The following CALN1 variants were observed in gnomAD, a reference collection of about 807,000 sequenced individuals.
CALN1 encodes calcium-binding protein 8.
A neutral mutation model predicts 30.6 loss-of-function variants in CALN1; 17 were observed. That is an observed-to-expected ratio of 0.56 (90% confidence interval 0.38 to 0.83). The LOEUF (loss-of-function observed/expected upper bound fraction) is 0.83. CALN1 is among the 40% of genes least tolerant of loss of function. The pLI, the probability that CALN1 is intolerant of heterozygous loss-of-function variation, is 0.00. For missense variants in CALN1, 291 were observed against 354.9 expected (o/e 0.82, Z 1.45); for synonymous variants, 156 against 131.4 (o/e 1.19, Z -1.28).
intron 1 of CALN1, among the ~76,000 whole-genome samples, chr7:72,428,509 A>G (rs1420390769): frequency 6.6e-6 from 1 of 151,684 alleles, no homozygotes; most frequent in Non-Finnish European, 1.5e-5. Flanking sequence ...CTCCTGCCTC[A>G]GCCTCCCAAG....
intron 5 of CALN1, among the ~76,000 whole-genome samples, chr7:71,827,536 C>T (rs1788987119): frequency 6.6e-6 from 1 of 151,918 alleles, no homozygotes; most frequent in African/African-American, 2.4e-5. Context: ...TTGGGGAGGC[C>T]GAGGTGGGCA....
chr7:72,386,798 G>T (rs1253002457), intron 2 of CALN1, among the ~76,000 whole-genome samples: 6 of 152,026 alleles, frequency 3.9e-5, no homozygotes. Flanking sequence ...ACCACACCTA[G>T]CTAATTTAAA....
At chr7:71,810,554 C>A in intron 5 of CALN1, 62 bp from the exon 6 acceptor site, 1 of 1,546,176 alleles carries the variant, frequency 6.5e-7, no homozygotes, top group Non-Finnish European at 8.8e-7. Flanking sequence ...TTGGCTCGGG[C>A]CATGACAGGC....
intron 2 of CALN1, among the ~76,000 whole-genome samples, chr7:72,376,682 C>A (rs1441442312): frequency 6.6e-6 from 1 of 152,058 alleles, no homozygotes; most frequent in African/African-American, 2.4e-5. Context: ...TTGATGGTGT[C>A]ATTTGATTCA....
At chr7:72,482,157 G>A in the CALN1 span, among the ~76,000 whole-genome samples, 1 of 152,040 alleles carries the variant, frequency 6.6e-6, no homozygotes, top group Admixed American at 6.5e-5. Context: ...AAATATTCTT[G>A]ATTCTGAAAT....
intron 2 of CALN1, among the ~76,000 whole-genome samples, chr7:72,367,451 CTG>C (rs985425514): frequency 1.3e-5 from 2 of 152,042 alleles, no homozygotes; most frequent in African/African-American, 4.8e-5. Flanking sequence ...AAGTGAGCTC[CTG>C]TCTCTGCAAA....
chr7:71,923,805 T>C (rs1795109737), intron 5 of CALN1, among the ~76,000 whole-genome samples: 2 of 151,954 alleles, frequency 1.3e-5, no homozygotes, highest in Admixed American at 1.3e-4. Flanking sequence ...AGTGTTCCCC[T>C]CCCTGTGGCC....
chr7:72,004,165 G>A (rs899913941), intron 5 of CALN1, among the ~76,000 whole-genome samples: 9 of 152,170 alleles, frequency 5.9e-5, no homozygotes, highest in African/African-American at 2.2e-4. Flanking sequence ...AAATAGTGTA[G>A]AATTGGCAGC....
chr7:72,169,874 G>T (rs553359417), intron 3 of CALN1, among the ~76,000 whole-genome samples: 1 of 151,764 alleles, frequency 6.6e-6, no homozygotes, highest in South Asian at 2.1e-4. Flanking sequence ...TATCTTTTTA[G>T]TAGAGACAGG....
chr7:71,994,537 T>G (rs113081299), intron 5 of CALN1, among the ~76,000 whole-genome samples: 6,641 of 132,134 alleles, frequency 0.05, 543 homozygotes, highest in African/African-American at 0.18. Flanking sequence ...AAAAAAACAG[T>G]GATAGTAAAA....
intron 4 of CALN1, among the ~76,000 whole-genome samples, chr7:72,094,558 A>AT (rs748816828): frequency 8.9e-4 from 135 of 151,872 alleles, no homozygotes; most frequent in Admixed American, 1.7e-3. Flanking sequence ...CTGGCCCAGA[A>AT]TTTTTTTTTA....
chr7:72,446,378 C>T (rs1388561867), intron 1 of CALN1, among the ~76,000 whole-genome samples: 1 of 152,196 alleles, frequency 6.6e-6, no homozygotes, highest in Non-Finnish European at 1.5e-5. Flanking sequence ...CAACTCTTTG[C>T]CACAGAACCT....
chr7:71,955,288 G>C (rs183605955), intron 5 of CALN1, among the ~76,000 whole-genome samples: 3 of 152,214 alleles, frequency 2.0e-5, no homozygotes, highest in East Asian at 1.9e-4. Flanking sequence ...TCTCCCACCA[G>C]GTCCCTCCCA....
chr7:72,239,601 T>C (rs902472287), intron 3 of CALN1, among the ~76,000 whole-genome samples: 7 of 152,154 alleles, frequency 4.6e-5, no homozygotes, highest in African/African-American at 1.7e-4. Flanking sequence ...ATTATCTGGG[T>C]ATAACTTTTC....
chr7:72,114,986 G>A lies in CALN1; in HGVS notation c.245-8692C>T, dbSNP rs566709527. ...TCCAGCCTGGGCAACAAGAGAAAAA[G>A]GAGGCTGGGCATGCAACAGGAGCTC... On this transcript the variant is annotated intron_variant, in intron 3 of 6. Transcript: ENST00000395275. 2.0e-5 allele frequency among the ~76,000 whole-genome samples: 3 copies of A among 151,874 alleles called. No individual in the cohort carries two copies. In the South Asian group the frequency reaches 6.2e-4, roughly 32 times the overall value.
At chr7:72,102,090 C>T (rs1806710651) in intron 4 of CALN1, among the ~76,000 whole-genome samples, 1 of 152,112 alleles carries the variant, frequency 6.6e-6, no homozygotes, top group South Asian at 2.1e-4. Flanking sequence ...AGTACAATGG[C>T]ACGATCTTGG....
chr7:72,378,085 C>T (rs1384952115), intron 2 of CALN1, among the ~76,000 whole-genome samples: 1 of 151,938 alleles, frequency 6.6e-6, no homozygotes, highest in Non-Finnish European at 1.5e-5. Flanking sequence ...GGAACTAAGT[C>T]ATTTGCCTGC....
chr7:72,372,164 C>A (rs926097310), intron 2 of CALN1, among the ~76,000 whole-genome samples: 1 of 152,138 alleles, frequency 6.6e-6, no homozygotes, highest in Non-Finnish European at 1.5e-5. Flanking sequence ...TTATTTCTTT[C>A]TTTTCCTTTT....
chr7:72,353,390 G>A (rs1345439353), intron 2 of CALN1, among the ~76,000 whole-genome samples: 2 of 152,114 alleles, frequency 1.3e-5, no homozygotes, highest in East Asian at 1.9e-4. Flanking sequence ...ACAAGGTGGA[G>A]TTTTTTTAAG....
Sources: gnomAD v4.1 joint callset for allele counts (sites outside exome capture counted in the v4.1 genomes callset) on GRCh38, gnomAD v4.1.1 for gene constraint, MANE v1.5 for transcripts, NCBI Gene and HGNC (gene_info 2026-07-23, HGNC 2026-07-21) for gene names.